CPED1: variants seen among roughly 807,000 people sequenced by gnomAD.
CPED1 encodes cadherin like and PC-esterase domain containing 1, also known as cadherin-like and PC-esterase domain-containing protein 1.
Under a neutral mutation model 128.2 loss-of-function variants are expected in CPED1, and 114 were observed. The ratio of observed to expected loss-of-function variants is 0.89; its 90% CI spans 0.76 to 1.04. The LOEUF (loss-of-function observed/expected upper bound fraction) is 1.04, where lower values mean the gene tolerates loss of function less well. Ranked by LOEUF, CPED1 falls within the 50% of genes least tolerant of loss-of-function variation. The pLI, the probability that CPED1 is intolerant of heterozygous loss-of-function variation, is 0.00. For missense variants in CPED1, 1,211 were observed against 1,207.1 expected (o/e 1.00, Z -0.05); for synonymous variants, 462 against 426.7 (o/e 1.08, Z -1.02).
chr7:121,234,919 A>G (rs1253618092), intron 16 of CPED1, among the ~76,000 whole-genome samples: 1 of 152,122 alleles, frequency 6.6e-6, no homozygotes, highest in African/African-American at 2.4e-5. Flanking sequence ...ATTTAGATTT[A>G]TCCTTATACA....
At chr7:120,989,019 AG>A (rs1298311095) in intron 1 of CPED1, 107 bp downstream of exon 1, 2 of 152,562 alleles carry the variant, frequency 1.3e-5, no homozygotes, top group African/African-American at 4.8e-5. Flanking sequence ...TTATGTTAAA[AG>A]CCGTGAATAC....
chr7:121,054,114 T>C (rs1327031457), intron 4 of CPED1, among the ~76,000 whole-genome samples: 1 of 152,222 alleles, frequency 6.6e-6, no homozygotes, highest in Non-Finnish European at 1.5e-5. Flanking sequence ...GTACTAGGTG[T>C]GCCCATTGCT....
chr7:121,107,781 T>C (rs1795014220), intron 7 of CPED1, among the ~76,000 whole-genome samples: 2 of 152,132 alleles, frequency 1.3e-5, no homozygotes, highest in South Asian at 4.1e-4. Flanking sequence ...ATGTATATCA[T>C]TTTTGAGATT....
intron 3 of CPED1, among the ~76,000 whole-genome samples, chr7:121,021,469 C>A (rs1280299892): frequency 6.6e-6 from 1 of 151,854 alleles, no homozygotes; most frequent in Non-Finnish European, 1.5e-5. Context: ...TCAATCTTAA[C>A]CTTTGTAATG....
At chr7:121,047,808 T>TCACGCCATTCTCCTGCCTC (rs1405814158) in intron 4 of CPED1, among the ~76,000 whole-genome samples, 106 of 151,604 alleles carry the variant, frequency 7.0e-4, no homozygotes, top group African/African-American at 2.4e-3. Flanking sequence ...CCTCCTGGGT[T>TCACGCCATTCTCCTGCCTC]CACGCCATTC....
At chr7:121,056,697 C>G (rs1444792445) in intron 4 of CPED1, among the ~76,000 whole-genome samples, 4 of 152,142 alleles carry the variant, frequency 2.6e-5, no homozygotes, top group Non-Finnish European at 5.9e-5. Flanking sequence ...TCCCTTTCCT[C>G]TTTTTACTTT....
intron 4 of CPED1, among the ~76,000 whole-genome samples, chr7:121,056,959 A>G (rs1403549099): frequency 6.7e-6 from 1 of 148,320 alleles, no homozygotes; most frequent in South Asian, 2.2e-4. Context: ...GAAATATACA[A>G]CACATGCTCT....
chr7:121,073,317 G>A (rs1484943038), intron 5 of CPED1, among the ~76,000 whole-genome samples: 2 of 152,120 alleles, frequency 1.3e-5, no homozygotes, highest in Non-Finnish European at 2.9e-5. Flanking sequence ...TTCATGCTGA[G>A]TAGATTGAGG....
At chr7:121,145,180 A>G (rs1795996265) in intron 16 of CPED1, among the ~76,000 whole-genome samples, 1 of 152,000 alleles carries the variant, frequency 6.6e-6, no homozygotes, top group South Asian at 2.1e-4. Context: ...TATAAATTAT[A>G]CCTCAATAAA....
At chr7:121,261,057 A>G (rs2116734627) in intron 18 of CPED1, among the ~76,000 whole-genome samples, 1 of 152,114 alleles carries the variant, frequency 6.6e-6, no homozygotes, top group Admixed American at 6.6e-5. Flanking sequence ...TTTATTTCCA[A>G]CTTGATTCTT....
chr7:121,037,633 C>T (rs1317954745), intron 3 of CPED1, among the ~76,000 whole-genome samples: 1 of 151,892 alleles, frequency 6.6e-6, no homozygotes, highest in Non-Finnish European at 1.5e-5. Context: ...CTTTTTGGTT[C>T]CATATGAACG....
chr7:121,009,931 G>A (rs1446912453), intron 2 of CPED1, among the ~76,000 whole-genome samples: 1 of 151,914 alleles, frequency 6.6e-6, no homozygotes, highest in African/African-American at 2.4e-5. Context: ...ATAATTAAAG[G>A]GCATGCATGT....
chr7:121,217,817 A>G (rs1797790285), intron 16 of CPED1, among the ~76,000 whole-genome samples: 1 of 152,050 alleles, frequency 6.6e-6, no homozygotes, highest in South Asian at 2.1e-4. Flanking sequence ...GGAGAAAAGT[A>G]GAACTTGTTT....
rs67688816 is a variant in CPED1 at position 121,127,539 on chromosome 7, CT to C, written c.1302+296del. Among the ~76,000 whole-genome samples the C allele has an allele frequency of 8.6e-3, 1,154 of 134,834 alleles. 15 individuals carry two copies. Among genetic ancestry groups the C allele is most frequent in the African/African-American group, 0.026 (945 of 36,560 alleles). 88.5% of individuals were successfully genotyped at this position (134,834 alleles called of 152,430 possible). ...TGTTTTTCTTTTTTTCTTTTTCTTT[CT>C]TTTTTTTTTTTTTGAGACAGAGTCT... On this transcript the variant is annotated intron_variant, in intron 10 of 22. Transcript: ENST00000310396.
chr7:121,038,602 A>T (rs1792963687), intron 3 of CPED1, among the ~76,000 whole-genome samples: 1 of 151,926 alleles, frequency 6.6e-6, no homozygotes, highest in Non-Finnish European at 1.5e-5. Context: ...ACTTTTTAAA[A>T]ACTGAAGTCC....
chr7:121,202,430 A>T (rs1797419664), intron 16 of CPED1, among the ~76,000 whole-genome samples: 1 of 152,114 alleles, frequency 6.6e-6, no homozygotes, highest in South Asian at 2.1e-4. Flanking sequence ...TTGCCATAAG[A>T]GGGTTTAAGC....
At chr7:121,104,928 G>A (rs1216757426) in intron 7 of CPED1, among the ~76,000 whole-genome samples, 1 of 152,036 alleles carries the variant, frequency 6.6e-6, no homozygotes, top group Admixed American at 6.6e-5. Flanking sequence ...AAATGCAATA[G>A]ACAGATGTCA....
chr7:121,143,371 A>G (rs10275439), intron 16 of CPED1, among the ~76,000 whole-genome samples: 98,784 of 151,738 alleles, frequency 0.65, 32,488 homozygotes, highest in East Asian at 0.89. Flanking sequence ...CGGAAAATAT[A>G]TAGTGTGTTT....
intron 2 of CPED1, among the ~76,000 whole-genome samples, chr7:121,005,034 A>G (rs1276035622): frequency 6.6e-6 from 1 of 152,204 alleles, no homozygotes; most frequent in Middle Eastern, 3.2e-3. Context: ...TTAGTATTTT[A>G]AAATTATTTA....
Sources: gnomAD v4.1 joint callset for allele counts (sites outside exome capture counted in the v4.1 genomes callset) on GRCh38, gnomAD v4.1.1 for gene constraint, MANE v1.5 for transcripts, NCBI Gene and HGNC (gene_info 2026-07-23, HGNC 2026-07-21) for gene names.